TGFB2: variants seen among roughly 807,000 people sequenced by gnomAD.
TGFB2 encodes transforming growth factor beta 2.
TGFB2 carries 13 observed loss-of-function variants against 42.7 expected under a neutral mutation model. The ratio of observed to expected loss-of-function variants is 0.30; its 90% CI spans 0.20 to 0.48. TGFB2 has a LOEUF of 0.48. TGFB2 is among the 20% of genes least tolerant of loss of function. The probability of loss-of-function intolerance (pLI) is 0.99; values close to 1 mark genes in which losing one functional copy is unlikely to be tolerated. For synonymous variants in TGFB2, 193 were observed against 193.6 expected (o/e 1.00, Z 0.03); for missense variants, 390 against 517.5 (o/e 0.75, Z 2.39).
intron 2 of TGFB2, among the ~76,000 whole-genome samples, chr1:218,428,563 GTT>G (rs199644040): frequency 0.2 from 29,816 of 152,056 alleles, 3,012 homozygotes; most frequent in African/African-American, 0.21. Flanking sequence ...TGGCTAGCCA[GTT>G]TTCCCAGCAC....
chr1:218,362,474 G>A (rs1175220260), intron 1 of TGFB2, among the ~76,000 whole-genome samples: 1 of 152,190 alleles, frequency 6.6e-6, no homozygotes, highest in African/African-American at 2.4e-5. Flanking sequence ...CTCAGAGGCA[G>A]GGTTACGTCT....
intron 1 of TGFB2, among the ~76,000 whole-genome samples, chr1:218,353,167 G>A (rs987838102): frequency 7.2e-5 from 11 of 152,130 alleles, no homozygotes; most frequent in African/African-American, 2.4e-4. Context: ...GATTATGAGC[G>A]ATACCCCAGG....
chr1:218,444,118 T>G lies in TGFB2; in HGVS notation c.*2756T>G, dbSNP rs1261132772. On this transcript the variant is annotated 3_prime_UTR_variant, in exon 7 of 7. Coordinates refer to ENST00000366930, the MANE Select transcript of TGFB2 (RefSeq NM_003238.6). ...CCGATTGCCCTCTGTGCTTTCTCCC[T>G]TAAGGACAGTCACTTCAGAAGTCAT... is the stretch of plus-strand genomic sequence containing the variant. The G allele has an allele frequency of 6.6e-6, 1 of 152,160 alleles. No individual in the cohort carries two copies. The highest frequency in any genetic ancestry group is 1.5e-5 in the Non-Finnish European group (1 of 68,038). 9.4% of individuals were successfully genotyped at this position (152,160 alleles called of 1,614,324 possible).
At chr1:218,416,392 A>G (rs1331216332) in intron 2 of TGFB2, among the ~76,000 whole-genome samples, 4 of 151,866 alleles carry the variant, frequency 2.6e-5, no homozygotes, top group Non-Finnish European at 5.9e-5. Context: ...TTTTTTCTCA[A>G]TGCCAACAGT....
At chr1:218,423,200 C>T (rs1283359545) in intron 2 of TGFB2, among the ~76,000 whole-genome samples, 1 of 152,150 alleles carries the variant, frequency 6.6e-6, no homozygotes, top group Non-Finnish European at 1.5e-5. Context: ...AGTCAGATTT[C>T]TCCAAAATTA....
intron 6 of TGFB2, 95 bp from the exon 7 acceptor site, chr1:218,441,108 CT>C: frequency 8.2e-7 from 1 of 1,214,712 alleles, no homozygotes; most frequent in Non-Finnish European, 1.2e-6. Context: ...CTACTCAGTG[CT>C]GTGACTGCTA....
intron 6 of TGFB2, among the ~76,000 whole-genome samples, chr1:218,438,973 G>A (rs1660062038): frequency 6.6e-6 from 1 of 152,032 alleles, no homozygotes. Flanking sequence ...ACCAGGCATG[G>A]TGGCGGGTGC....
intron 1 of TGFB2, among the ~76,000 whole-genome samples, chr1:218,395,371 T>C (rs1320757875): frequency 1.3e-5 from 2 of 152,214 alleles, no homozygotes; most frequent in East Asian, 3.9e-4. Context: ...GTCAAACTTA[T>C]CTCTAGTGGA....
intron 2 of TGFB2, among the ~76,000 whole-genome samples, chr1:218,408,572 A>G (rs903027565): frequency 1.8e-4 from 27 of 152,276 alleles, no homozygotes; most frequent in Non-Finnish European, 2.4e-4. Flanking sequence ...AAGCACAGAC[A>G]AGGTCCAGAG....
chr1:218,384,262 A>C (rs1215144225), intron 1 of TGFB2, among the ~76,000 whole-genome samples: 2 of 152,224 alleles, frequency 1.3e-5, no homozygotes, highest in African/African-American at 4.8e-5. Flanking sequence ...TAAAGTAGCT[A>C]TGTATGTAGG....
At chr1:218,362,961 G>A (rs1657264827) in intron 1 of TGFB2, among the ~76,000 whole-genome samples, 1 of 152,060 alleles carries the variant, frequency 6.6e-6, no homozygotes, top group Non-Finnish European at 1.5e-5. Flanking sequence ...ATTCTTAATC[G>A]GTAGACTGTC....
chr1:218,380,384 A>G (rs963726564), intron 1 of TGFB2, among the ~76,000 whole-genome samples: 5 of 152,192 alleles, frequency 3.3e-5, no homozygotes, highest in African/African-American at 1.2e-4. Context: ...TGGTGCACAC[A>G]CATGCTAAGC....
intron 2 of TGFB2, among the ~76,000 whole-genome samples, chr1:218,426,609 G>T (rs1209201831): frequency 2.0e-5 from 3 of 152,122 alleles, no homozygotes; most frequent in Admixed American, 6.5e-5. Context: ...CATCACTGTG[G>T]GTGGCAGCTA....
chr1:218,385,596 ATCT>A (rs1243461483), intron 1 of TGFB2, among the ~76,000 whole-genome samples: 6 of 152,318 alleles, frequency 3.9e-5, no homozygotes, highest in Admixed American at 3.9e-4. Flanking sequence ...TAAGACCAAG[ATCT>A]TCTCACATAG....
At chr1:218,375,764 G>C (rs550132748) in intron 1 of TGFB2, among the ~76,000 whole-genome samples, 3 of 151,996 alleles carry the variant, frequency 2.0e-5, no homozygotes, top group Non-Finnish European at 4.4e-5. Context: ...TTTAAAATAC[G>C]GGATATTGAG....
At chr1:218,367,284 G>C (rs1258832278) in intron 1 of TGFB2, among the ~76,000 whole-genome samples, 2 of 152,148 alleles carry the variant, frequency 1.3e-5, no homozygotes, top group Non-Finnish European at 2.9e-5. Flanking sequence ...ACATTCCATG[G>C]GGTAAGGACC....
chr1:218,398,161 C>T (rs894953905), intron 1 of TGFB2, among the ~76,000 whole-genome samples: 2 of 152,236 alleles, frequency 1.3e-5, no homozygotes, highest in Non-Finnish European at 2.9e-5. Flanking sequence ...CACATTGGTT[C>T]TCAAACTTTG....
intron 1 of TGFB2, among the ~76,000 whole-genome samples, chr1:218,349,681 G>A (rs1243377664): frequency 6.6e-6 from 1 of 152,122 alleles, no homozygotes; most frequent in East Asian, 1.9e-4. Context: ...GCCCTTTGTG[G>A]GACATTTTAT....
chr1:218,402,506 G>C (rs551172283), intron 1 of TGFB2, among the ~76,000 whole-genome samples: 17 of 152,242 alleles, frequency 1.1e-4, no homozygotes, highest in Admixed American at 2.0e-4. Context: ...GCCATAAAAA[G>C]AAAAGAGTGT....
Sources: allele counts gnomAD v4.1 joint callset (sites outside exome capture counted in the v4.1 genomes callset), GRCh38; gene constraint gnomAD v4.1.1; transcripts MANE v1.5; gene names NCBI Gene and HGNC (gene_info 2026-07-23, HGNC 2026-07-21).